Variants in NBPF3 observed in about 807,000 individuals in gnomAD.
NBPF3 encodes the protein NBPF family member NBPF3.
NBPF3 carries 57 observed loss-of-function variants against 78.1 expected under a neutral mutation model. The ratio of observed to expected loss-of-function variants is 0.73; its 90% CI spans 0.59 to 0.91. The LOEUF (loss-of-function observed/expected upper bound fraction) is 0.91. NBPF3 is among the 40% of genes least tolerant of loss of function. The pLI is 0.00. For synonymous variants in NBPF3, 182 were observed against 271.7 expected, an observed-to-expected ratio of 0.67 and a Z score of 3.25; for missense variants, 510 against 715.3, an observed-to-expected ratio of 0.71 and a Z score of 3.27.
At chr1:21,461,422 A>G (rs755180622) in intron 2 of NBPF3, among the ~76,000 whole-genome samples, 20 of 152,364 alleles carry the variant, frequency 1.3e-4, no homozygotes, top group Non-Finnish European at 2.2e-4. Flanking sequence ...AGTGGCATAT[A>G]TAAGCACCTG....
At chr1:21,453,920 C>T (rs1440664218) in intron 2 of NBPF3, 1 of 152,184 alleles carries the variant, frequency 6.6e-6, no homozygotes, top group African/African-American at 2.4e-5. Context: ...GCCCTGAAGC[C>T]ATTTATGTGG....
Position 21,478,323 on chromosome 1 carries a change from T to G in NBPF3, c.1156+16T>G, listed in dbSNP as rs1292607431. 1 of 1,610,804 alleles carries G rather than the reference T, an allele frequency of 6.2e-7. No individual in the cohort carries two copies. Among genetic ancestry groups the G allele is most frequent in the Non-Finnish European group, 8.5e-7 (1 of 1,177,868 alleles). On this transcript the variant is annotated intron_variant, in intron 9 of 14. Coordinates refer to ENST00000318249, the MANE Select transcript of NBPF3 (RefSeq NM_032264.6). ...GACATAGGCAGTGAGTACTCCATTT[T>G]GAAGGTGATAAAGCTCCAGTTCATG...
intron 7 of NBPF3, among the ~76,000 whole-genome samples, chr1:21,474,394 G>A (rs146175264): frequency 6.0e-4 from 91 of 152,188 alleles, no homozygotes; most frequent in African/African-American, 2.1e-3. Context: ...ATTAGAGACG[G>A]GGTTCCCCCA....
chr1:21,444,111 G>A (rs1317468695), intron 1 of NBPF3, among the ~76,000 whole-genome samples: 4 of 152,096 alleles, frequency 2.6e-5, no homozygotes, highest in Admixed American at 6.5e-5. Context: ...ACTTGACCTT[G>A]CCTGGCATGA....
intron 8 of NBPF3, among the ~76,000 whole-genome samples, chr1:21,475,881 C>T (rs116743743): frequency 0.03 from 4,530 of 152,212 alleles, 91 homozygotes; most frequent in Non-Finnish European, 0.045. Context: ...GTGTTAAAGT[C>T]CCCCATGATT....
intron 2 of NBPF3, among the ~76,000 whole-genome samples, chr1:21,465,330 TAACA>T (rs1233740905): frequency 6.6e-6 from 1 of 152,224 alleles, no homozygotes; most frequent in African/African-American, 2.4e-5. Context: ...TGAGTCATAT[TAACA>T]AACACATTCC....
Position 21,474,919 on chromosome 1 carries a change from G to A in NBPF3, c.960G>A (p.Glu320=). The change falls in exon 8 of 15, where the codon GAG becomes GAA. Residue 320 remains glutamate (E), a synonymous_variant. Coordinates refer to ENST00000318249, the MANE Select transcript of NBPF3 (RefSeq NM_032264.6). The part of the protein sequence containing the change: ...CIIPENESDH[E]QEEEKGPVSP... ...TTCCAGAAAATGAAAGTGATCATGA[G>A]CAAGAGGAAGAAAAAGGGCCAGTGT... is the stretch of plus-strand genomic sequence containing the variant. 1 of 1,603,496 alleles carries A rather than the reference G, an allele frequency of 6.2e-7. No individual in the cohort carries two copies. The highest frequency in any genetic ancestry group is 2.2e-5 in the East Asian group (1 of 44,512).
chr1:21,475,696 T>C (rs1383420920), intron 8 of NBPF3, among the ~76,000 whole-genome samples: 1 of 152,178 alleles, frequency 6.6e-6, no homozygotes, highest in Non-Finnish European at 1.5e-5. Context: ...CCTCCAACTA[T>C]GTGGTCAATT....
intron 3 of NBPF3, among the ~76,000 whole-genome samples, chr1:21,469,866 T>C (rs1642489407): frequency 6.6e-6 from 1 of 152,230 alleles, no homozygotes; most frequent in Non-Finnish European, 1.5e-5. Context: ...TGGGCCTGTC[T>C]CCTGGGCTCC....
upstream of NBPF3, among the ~76,000 whole-genome samples, chr1:21,437,815 T>C (rs2316511): frequency 0.87 from 128,844 of 147,896 alleles, 58,258 homozygotes; most frequent in Non-Finnish European, 0.99. Context: ...CCACCTTGCC[T>C]GGCTAATTTT....
chr1:21,478,429 T>A, intron 9 of NBPF3, 122 bp downstream of exon 9: 1 of 1,121,186 alleles, frequency 8.9e-7, no homozygotes, highest in Non-Finnish European at 1.4e-6. Context: ...GGAACCTATA[T>A]ATCAATGTAG....
chr1:21,444,897 C>T (rs546868974), intron 1 of NBPF3, 51 bp from the exon 2 acceptor site: 4 of 564,194 alleles, frequency 7.1e-6, no homozygotes, highest in South Asian at 2.8e-5. Flanking sequence ...TTCAAGTTGC[C>T]GAAGCCCCAA....
At chr1:21,436,979 A>G (rs1223153979), upstream of NBPF3, 4 of 363,490 alleles carry the variant, frequency 1.1e-5, no homozygotes, top group Admixed American at 1.4e-4. The surrounding 1 kb of genome is among the most constrained non-coding windows in gnomAD (Gnocchi z 4.3). Flanking sequence ...CAGGATCCCC[A>G]AGGAGGTGGC....
At chr1:21,440,706 G>C (rs1640590040) in intron 1 of NBPF3, 1 of 152,386 alleles carries the variant, frequency 6.6e-6, no homozygotes, top group Admixed American at 6.5e-5. Context: ...TTCCCTCTGC[G>C]GGCCTGAGAG....
rs1400394071 is a variant in NBPF3 at position 21,440,142 on chromosome 1, C to T, written c.-346C>T. 1 of 151,590 alleles carries T rather than the reference C, an allele frequency of 6.6e-6. No individual in the cohort carries two copies. The highest frequency in any genetic ancestry group is 2.4e-5 in the African/African-American group (1 of 41,360). The allele number at this position is 151,590 out of a possible 1,614,324, so 9.4% of individuals were successfully genotyped here. A position where few individuals can be genotyped will look rare whatever the true frequency, so the allele number is the denominator to read the frequency against. Reference sequence around the variant, plus strand: ...GCGCAGGCGCAGGCGCAGGCACAGGCGAGGGGTTGGGTGGCGGTTGAGACA... The same window carrying T: ...GCGCAGGCGCAGGCGCAGGCACAGGTGAGGGGTTGGGTGGCGGTTGAGACA... On this transcript the variant is annotated 5_prime_UTR_variant, in exon 1 of 15. Transcript: ENST00000318249.
At chr1:21,479,596 A>G (rs996115648) in intron 10 of NBPF3, among the ~76,000 whole-genome samples, 196 bp downstream of exon 10, 1 of 152,200 alleles carries the variant, frequency 6.6e-6, no homozygotes, top group Non-Finnish European at 1.5e-5. Flanking sequence ...TCATTTACTA[A>G]CCTAGTGAAG....
chr1:21,478,236 C>T lies in NBPF3; in HGVS notation c.1085C>T (p.Ser362Leu). ...TLSIPPDMSA[S>L]YQSDRSTFHS... ...TCAATTCCTCCTGACATGTCTGCCT[C>T]ATACCAGTCTGACAGGAGCACCTTT... The change falls in exon 9 of 15, where the codon TCA (serine) becomes TTA (leucine). Residue 362 changes from serine (S) to leucine (L), a missense_variant. Physicochemically the swap from Ser to Leu is moderately radical, Grantham distance 145 (BLOSUM62 -2). Around this residue, in one of 5 missense-constraint regions of NBPF3, gnomAD observed 440 missense variants for 478.2 expected, o/e 0.92. Coordinates refer to ENST00000318249, the MANE Select transcript of NBPF3 (RefSeq NM_032264.6). The T allele has an allele frequency of 6.2e-7, 1 of 1,614,180 alleles. No homozygotes were observed. The highest frequency in any genetic ancestry group is 1.1e-5 in the South Asian group (1 of 91,080).
In NBPF3 at chr1:21,473,737, C is replaced by T. The variant is rs544921507; in HGVS notation, c.940+152C>T. ...AGGAGGTTTTCTGTCCTTCTCAGCT[C>T]ATGTCATGCCTTTGTCTCACAGTCC... On this transcript the variant is annotated intron_variant, in intron 7 of 14. Transcript: ENST00000318249. The T allele has an allele frequency of 7.2e-5, 52 of 719,478 alleles. No individual in the cohort carries two copies. The African/African-American group carries it at 8.5e-4, about 12-fold the overall frequency. 44.6% of individuals were successfully genotyped at this position (719,478 alleles called of 1,614,324 possible).
chr1:21,440,590 T>G (rs1249561396), intron 1 of NBPF3, among the ~76,000 whole-genome samples: 1 of 152,144 alleles, frequency 6.6e-6, no homozygotes, highest in Non-Finnish European at 1.5e-5. Context: ...GCGGGTGTTC[T>G]GTGGCATCCC....
Sources: gnomAD v4.1 joint callset for allele counts (sites outside exome capture counted in the v4.1 genomes callset) on GRCh38, gnomAD v4.1.1 for gene constraint, gnomAD v4.1.1 regional missense constraint, Gnocchi (gnomAD v3.1) non-coding constraint, MANE v1.5 for transcripts, NCBI Gene and HGNC (gene_info 2026-07-23, HGNC 2026-07-21) for gene names.